ATRNL1: variants seen among roughly 807,000 people sequenced by gnomAD.
ATRNL1 encodes attractin-like protein 1.
ATRNL1 carries 95 observed loss-of-function variants against 182.7 expected under a neutral mutation model. That is an observed-to-expected ratio of 0.52 (90% CI 0.44 to 0.62). The LOEUF is 0.62. ATRNL1 is among the 20% of genes least tolerant of loss of function. ATRNL1 has a pLI of 0.00. For missense variants in ATRNL1, 1,471 were observed against 1,679.5 expected (o/e 0.88, Z 2.17); for synonymous variants, 576 against 568.3 (o/e 1.01, Z -0.19).
At chr10:115,299,296 A>G (rs1393135436) in intron 15 of ATRNL1, among the ~76,000 whole-genome samples, 1 of 151,992 alleles carries the variant, frequency 6.6e-6, no homozygotes, top group East Asian at 1.9e-4. Context: ...TTAAGGTTAT[A>G]AATATGGTAA....
chr10:115,666,042 A>G (rs1860980675), intron 26 of ATRNL1, among the ~76,000 whole-genome samples: 1 of 152,162 alleles, frequency 6.6e-6, no homozygotes, highest in Non-Finnish European at 1.5e-5. Context: ...ATTATGATAA[A>G]TATAAATAAA....
At chr10:115,641,486 C>A (rs1859244675) in intron 26 of ATRNL1, among the ~76,000 whole-genome samples, 2 of 152,142 alleles carry the variant, frequency 1.3e-5, no homozygotes, top group Non-Finnish European at 2.9e-5. Context: ...CAAAACCAAT[C>A]ATCTTTGTAG....
intron 21 of ATRNL1, among the ~76,000 whole-genome samples, chr10:115,426,969 C>T (rs1845932359): frequency 6.6e-6 from 1 of 152,138 alleles, no homozygotes; most frequent in African/African-American, 2.4e-5. Flanking sequence ...ATGATCCGCC[C>T]ACCTTGGCCT....
intron 27 of ATRNL1, among the ~76,000 whole-genome samples, chr10:115,845,671 C>T (rs1457523561): frequency 1.3e-5 from 2 of 148,580 alleles, no homozygotes; most frequent in African/African-American, 5.0e-5. Flanking sequence ...TATAAACATA[C>T]AATTCTACTG....
At chr10:115,263,814 G>T (rs1315007416) in intron 10 of ATRNL1, among the ~76,000 whole-genome samples, 1 of 151,672 alleles carries the variant, frequency 6.6e-6, no homozygotes, top group African/African-American at 2.4e-5. Context: ...GATCTTCAGA[G>T]CATTGACTCT....
At chr10:115,263,548 A>G (rs758147210) in intron 10 of ATRNL1, among the ~76,000 whole-genome samples, 252 of 151,928 alleles carry the variant, frequency 1.7e-3, no homozygotes, top group Non-Finnish European at 2.4e-3. Context: ...CATTTCTAAC[A>G]TAGGGTAATA....
chr10:115,517,473 C>CT (rs1850698425), intron 24 of ATRNL1, among the ~76,000 whole-genome samples: 1 of 151,910 alleles, frequency 6.6e-6, no homozygotes, highest in African/African-American at 2.4e-5. Flanking sequence ...GCAAAAATCT[C>CT]TGTCTTTCAA....
At chr10:115,421,275 A>G (rs1248344626) in intron 20 of ATRNL1, among the ~76,000 whole-genome samples, 1 of 152,224 alleles carries the variant, frequency 6.6e-6, no homozygotes, top group Non-Finnish European at 1.5e-5. Flanking sequence ...TCCCTGATGG[A>G]TATAGATGCA....
chr10:115,795,395 T>A (rs782208711), intron 27 of ATRNL1, among the ~76,000 whole-genome samples: 1 of 152,150 alleles, frequency 6.6e-6, no homozygotes, highest in African/African-American at 2.4e-5. Context: ...TTATCCTTAA[T>A]GTATTGAGTC....
At chr10:115,104,145 T>C (rs782119734) in intron 1 of ATRNL1, among the ~76,000 whole-genome samples, 1 of 152,240 alleles carries the variant, frequency 6.6e-6, no homozygotes, top group Non-Finnish European at 1.5e-5. Context: ...GTTACACTAA[T>C]TTACCTTCCC....
At chr10:115,426,849 C>G (rs1477300170) in intron 21 of ATRNL1, among the ~76,000 whole-genome samples, 1 of 152,128 alleles carries the variant, frequency 6.6e-6, no homozygotes, top group Non-Finnish European at 1.5e-5. Flanking sequence ...CTCAGCCTCC[C>G]AAGTAGCTGG....
chr10:115,687,531 T>C (rs1335346946), intron 26 of ATRNL1, among the ~76,000 whole-genome samples: 4 of 152,070 alleles, frequency 2.6e-5, no homozygotes, highest in African/African-American at 9.7e-5. Context: ...GACATTTAGG[T>C]TGGACATGGA....
chr10:115,605,910 T>C (rs1380746945), intron 26 of ATRNL1, among the ~76,000 whole-genome samples: 1 of 152,010 alleles, frequency 6.6e-6, no homozygotes, highest in African/African-American at 2.4e-5. Flanking sequence ...TGAGTTACTA[T>C]ATAACTTAGC....
At chr10:115,309,747 A>G (rs1387052398) in intron 17 of ATRNL1, among the ~76,000 whole-genome samples, 3 of 151,916 alleles carry the variant, frequency 2.0e-5, no homozygotes, top group Admixed American at 2.0e-4. Context: ...GTATAAAATC[A>G]CTTCATAGTC....
intron 20 of ATRNL1, among the ~76,000 whole-genome samples, chr10:115,414,753 A>G (rs1845307854): frequency 6.6e-6 from 1 of 151,764 alleles, no homozygotes; most frequent in Non-Finnish European, 1.5e-5. Flanking sequence ...TCACCTTCTT[A>G]CACAAAAGCT....
intron 20 of ATRNL1, among the ~76,000 whole-genome samples, chr10:115,410,693 AG>A (rs1439411923): frequency 4.5e-4 from 69 of 152,216 alleles, no homozygotes; most frequent in Non-Finnish European, 8.8e-5. Flanking sequence ...GAGAAAAATA[AG>A]TGTGTTTTAC....
At chr10:115,477,861 A>T (rs1554973472) in intron 24 of ATRNL1, among the ~76,000 whole-genome samples, 1 of 151,362 alleles carries the variant, frequency 6.6e-6, no homozygotes, top group Non-Finnish European at 1.5e-5. Flanking sequence ...AAAAATATTT[A>T]ATTAATCTGC....
rs1953909108 is a variant in ATRNL1, at chr10:115,947,822, G to A, written c.*3043G>A. On this transcript the variant is annotated 3_prime_UTR_variant, in exon 29 of 29. Coordinates refer to ENST00000355044, the MANE Select transcript of ATRNL1 (RefSeq NM_207303.4). ...CACTGGACCCAGCTTTCAGGTGTGT[G>A]GTGCTGGGTAAGTTTCACCTTTGAA... 6.6e-6 allele frequency: 1 copy of A among 152,188 alleles called. No homozygotes were observed. The highest frequency in any genetic ancestry group is 2.1e-4 in the South Asian group (1 of 4,826). The allele number at this position is 152,188 out of a possible 1,614,324, so 9.4% of individuals were successfully genotyped here.
At chr10:115,593,062 T>C (rs1331323971) in intron 26 of ATRNL1, among the ~76,000 whole-genome samples, 1 of 152,178 alleles carries the variant, frequency 6.6e-6, no homozygotes, top group Non-Finnish European at 1.5e-5. Flanking sequence ...AAGTTCAAGG[T>C]TGAGGGGCAT....
Sources: allele counts gnomAD v4.1 joint callset (sites outside exome capture counted in the v4.1 genomes callset), GRCh38; gene constraint gnomAD v4.1.1; transcripts MANE v1.5; gene names NCBI Gene and HGNC (gene_info 2026-07-23, HGNC 2026-07-21).